Variants in DCTN1 observed in about 807,000 individuals in gnomAD.
The protein encoded by DCTN1 is 150 kDa dynein-associated polypeptide.
DCTN1 carries 61 observed loss-of-function variants against 161.2 expected under a neutral mutation model. The observed-to-expected ratio is 0.38, with a 90% CI of 0.31 to 0.47. The LOEUF (loss-of-function observed/expected upper bound fraction) is 0.47. Among genes scored for constraint, DCTN1 ranks in the 20% least tolerant of loss-of-function variants. The pLI, the probability that DCTN1 is intolerant of heterozygous loss-of-function variation, is 0.99. For missense variants in DCTN1, 1,404 were observed against 1,623.7 expected, an observed-to-expected ratio of 0.86 and a Z score of 2.33; for synonymous variants, 653 against 632.4, an observed-to-expected ratio of 1.03 and a Z score of -0.49.
upstream of DCTN1, among the ~76,000 whole-genome samples, chr2:74,382,926 T>C (rs1254094716): frequency 6.7e-6 from 1 of 149,808 alleles, no homozygotes; most frequent in Non-Finnish European, 1.5e-5. Context: ...CAAAAAAAAA[T>C]TAGCCGGGCG....
chr2:74,369,801 C>T lies in DCTN1; in HGVS notation c.1392+164G>A, dbSNP rs1674698807. ...ACTGCGCTCCAGCCTGGCAACAGAG[C>T]GAGATTCCATCTCAGAAAAAAAAAA... On this transcript the variant is annotated intron_variant, in intron 13 of 31. Coordinates refer to ENST00000628224, the MANE Select transcript of DCTN1 (RefSeq NM_004082.5). The surrounding 1 kb of genome is among the most constrained non-coding windows in gnomAD (Gnocchi z 4.9). 7.4e-6 allele frequency among the ~76,000 whole-genome samples: 1 copy of T among 134,582 alleles called. No individual in the cohort carries two copies. The highest frequency in any genetic ancestry group is 2.9e-5 in the African/African-American group (1 of 34,974). 88.3% of individuals were successfully genotyped at this position (134,582 alleles called of 152,430 possible). A position where few individuals can be genotyped will look rare whatever the true frequency, so the allele number is the denominator to read the frequency against.
intron 1 of DCTN1, among the ~76,000 whole-genome samples, chr2:74,390,034 C>G (rs1044075120): frequency 6.6e-6 from 1 of 152,142 alleles, no homozygotes; most frequent in Non-Finnish European, 1.5e-5. Context: ...ATCAAACAAT[C>G]CTGGATTCAA....
intron 1 of DCTN1, among the ~76,000 whole-genome samples, chr2:74,387,586 G>A (rs188283904): frequency 1.6e-4 from 25 of 152,124 alleles, no homozygotes; most frequent in South Asian, 6.2e-4. Flanking sequence ...TGAGTCATCC[G>A]CAACAACTCC....
At chr2:74,378,539 T>G (rs1675356695) in intron 1 of DCTN1, among the ~76,000 whole-genome samples, 1 of 152,258 alleles carries the variant, frequency 6.6e-6, no homozygotes, top group African/African-American at 2.4e-5. Flanking sequence ...GGCTGCTTTC[T>G]CAGGAGCACT....
intron 1 of DCTN1, chr2:74,385,837 C>G (rs1675702178): frequency 6.6e-6 from 1 of 152,198 alleles, no homozygotes; most frequent in Admixed American, 6.5e-5. Flanking sequence ...CAAATTGTAT[C>G]TGTCACACAA....
chr2:74,375,235 G>A (rs1158555148), intron 5 of DCTN1, among the ~76,000 whole-genome samples: 2 of 152,194 alleles, frequency 1.3e-5, no homozygotes, highest in African/African-American at 4.8e-5. Flanking sequence ...GTTGTAGACA[G>A]GTTAAAGCCT....
chr2:74,365,483 G>C, intron 25 of DCTN1, 32 bp downstream of exon 25: 1 of 1,614,076 alleles, frequency 6.2e-7, no homozygotes, highest in Non-Finnish European at 8.5e-7. Flanking sequence ...GGGAGGATTA[G>C]AGGAAGCAAG....
At chr2:74,384,103 A>G (rs1675626349), upstream of DCTN1, among the ~76,000 whole-genome samples, 2 of 152,226 alleles carry the variant, frequency 1.3e-5, no homozygotes, top group African/African-American at 4.8e-5. Flanking sequence ...AAATGGGAGG[A>G]GAAACAACAT....
chr2:74,390,740 T>A (rs1675956690), intron 1 of DCTN1: 1 of 351,186 alleles, frequency 2.8e-6, no homozygotes, highest in Admixed American at 3.2e-5. Context: ...TTGTTAGAAA[T>A]GCAGAACCAA....
intron 6 of DCTN1, among the ~76,000 whole-genome samples, chr2:74,373,998 C>A (rs1438269759): frequency 6.6e-6 from 1 of 152,222 alleles, no homozygotes; most frequent in East Asian, 1.9e-4. Flanking sequence ...ACTGAGATAC[C>A]TGGGCCTGCT....
rs777771991 is a variant in DCTN1 at position 74,370,209 on chromosome 2, T to C, written c.1264A>G (p.Thr422Ala). The change falls in exon 12 of 32, where the codon ACC becomes GCC. Residue 422 changes from threonine (T) to alanine (A), a missense_variant. Around this residue, in one of 9 missense-constraint regions of DCTN1, gnomAD observed 278 missense variants for 363.8 expected, o/e 0.76. Transcript: ENST00000628224. This position sits in a 1 kb window ranked among gnomAD's most constrained non-coding sequence, Gnocchi z 4.4. The stretch of plus-strand genomic sequence containing the variant: ...ACCTGCTCCTTGAGCTCATCAATGG[T>C]GCTCTCTGCCTGGCTTAGCTCCTCC... ...LQEELSQAES[T>A]IDELKEQVDA... The C allele has an allele frequency of 1.9e-6, 3 of 1,613,956 alleles. No individual in the cohort carries two copies. Among genetic ancestry groups the C allele is most frequent in the Non-Finnish European group, 2.5e-6 (3 of 1,180,032 alleles).
rs1675954090 is a variant in DCTN1 at position 74,390,694 on chromosome 2, T to A, written c.-19+1100A>T. ...CTATACTTTTGCTACTCAGATTGTG[T>A]TCCATGGGCCAGCAGCATTAGCATC... On this transcript the variant is annotated intron_variant, in intron 1 of 27. Transcript: ENST00000409240. The A allele has an allele frequency of 6.7e-6, 3 of 445,786 alleles. No individual in the cohort carries two copies. The Admixed American group carries it at 7.7e-5, about 11-fold the overall frequency. The allele number at this position is 445,786 out of a possible 1,614,324, so 27.6% of individuals were successfully genotyped here. A position where few individuals can be genotyped will look rare whatever the true frequency, so the allele number is the denominator to read the frequency against.
At chr2:74,383,994 G>A (rs891470864), upstream of DCTN1, among the ~76,000 whole-genome samples, 28 of 152,302 alleles carry the variant, frequency 1.8e-4, no homozygotes, top group African/African-American at 6.7e-4. Flanking sequence ...AGGATAAATA[G>A]ATGGGTCAAT....
In DCTN1 at chr2:74,362,649, C is replaced by T. The variant is rs1674094920; in HGVS notation, c.3609+1G>A. 6.2e-7 allele frequency: 1 copy of T among 1,613,562 alleles called. No individual in the cohort carries two copies. The highest frequency in any genetic ancestry group is 1.3e-5 in the African/African-American group (1 of 74,920). On this transcript the variant is annotated splice_donor_variant, in intron 30 of 31. Coordinates refer to ENST00000628224, the MANE Select transcript of DCTN1 (RefSeq NM_004082.5). LOFTEE classifies it high-confidence loss of function. ...AGCTCTGCCTGGCAAACTGAGCTGA[C>T]CTTGAGCTTCTCGACGGTGTCACTC...
In DCTN1 at chr2:74,365,594, C is replaced by A; in HGVS notation, c.2950G>T (p.Ala984Ser). The change falls in exon 25 of 32, where the codon GCC (alanine) becomes TCC (serine). Residue 984 changes from alanine to serine, a missense_variant. Transcript: ENST00000628224. The part of the protein sequence containing the change: ...SLLEKKLDSA[A>S]KDADERIEKV... ...TCGATGCGCTCATCTGCATCCTTGG[C>A]AGCACTGTCCAACTTCTTCTCCAGG... is the stretch of plus-strand genomic sequence containing the variant. 6.2e-7 allele frequency: 1 copy of A among 1,614,184 alleles called. No homozygotes were observed. The highest frequency in any genetic ancestry group is 1.1e-5 in the South Asian group (1 of 91,082).
chr2:74,390,769 C>G (rs561538117), intron 1 of DCTN1: 2 of 279,212 alleles, frequency 7.2e-6, no homozygotes, highest in Admixed American at 3.8e-5. Context: ...TGTACTGTAA[C>G]GAGATCGCAT....
intron 15 of DCTN1, 24 bp from the exon 16 acceptor site, chr2:74,368,904 ACTCTTAGCCAGAG>A: frequency 6.2e-7 from 1 of 1,613,746 alleles, no homozygotes; most frequent in Non-Finnish European, 8.5e-7. Context: ...AGGGAGGAGG[ACTCTTAGCCAGAG>A]CTGAAAGAGC....
rs1293776565 is a variant in DCTN1 at position 74,361,440 on chromosome 2, T to C, written c.*59A>G. On this transcript the variant is annotated 3_prime_UTR_variant, in exon 32 of 32. Transcript: ENST00000628224. ...GGGGGCTGGCTGAGGTGGCTGTGCA[T>C]CGGGCAGAGCGGCACCAGAGGGCTG... 3 of 1,611,488 alleles carry C rather than the reference T, an allele frequency of 1.9e-6. No homozygotes were observed. Among genetic ancestry groups the C allele is most frequent in the Non-Finnish European group, 2.5e-6 (3 of 1,179,456 alleles).
chr2:74,365,582 C>A lies in DCTN1; in HGVS notation c.2962G>T (p.Asp988Tyr). ...GTCTGGACTTTCTCGATGCGCTCAT[C>A]TGCATCCTTGGCAGCACTGTCCAAC... ...KKLDSAAKDA[D>Y]ERIEKVQTRL... Residue 988 changes from aspartate to tyrosine, a missense_variant, in exon 25 of 32, where the codon GAT becomes TAT. By Grantham distance (160) the Asp-to-Tyr change is radical. Transcript: ENST00000628224. 1.2e-6 allele frequency: 2 copies of A among 1,614,186 alleles called. No homozygotes were observed. The highest frequency in any genetic ancestry group is 1.7e-6 in the Non-Finnish European group (2 of 1,180,028).
Sources: allele counts gnomAD v4.1 joint callset (sites outside exome capture counted in the v4.1 genomes callset), GRCh38; gene constraint gnomAD v4.1.1; regional missense constraint gnomAD v4.1.1; non-coding constraint Gnocchi (gnomAD v3.1); transcripts MANE v1.5; gene names NCBI Gene and HGNC (gene_info 2026-07-23, HGNC 2026-07-21).